DNAH3: variants seen among roughly 807,000 people sequenced by gnomAD.
DNAH3 encodes the protein axonemal beta dynein heavy chain 3.
A neutral mutation model predicts 432.5 loss-of-function variants in DNAH3; 332 were observed. That is an observed-to-expected ratio of 0.77 (90% CI 0.70 to 0.84). DNAH3 has a LOEUF of 0.84. Among genes scored for constraint, DNAH3 ranks in the 40% least tolerant of loss-of-function variants. The pLI, the probability that DNAH3 is intolerant of heterozygous loss-of-function variation, is 0.00. For synonymous variants in DNAH3, 1,956 were observed against 1,900.2 expected (o/e 1.03, Z -0.76); for missense variants, 4,861 against 5,114.0 (o/e 0.95, Z 1.51).
intron 50 of DNAH3, among the ~76,000 whole-genome samples, chr16:20,976,000 C>T (rs2085571176): frequency 6.6e-6 from 1 of 152,280 alleles, no homozygotes; most frequent in East Asian, 1.9e-4. Flanking sequence ...CCACCTTAGC[C>T]TCCCGAAGTG....
intron 37 of DNAH3, among the ~76,000 whole-genome samples, chr16:21,027,965 C>T (rs2088657752): frequency 6.6e-6 from 1 of 152,176 alleles, no homozygotes; most frequent in South Asian, 2.1e-4. Flanking sequence ...GGACAAAAGC[C>T]TTTCCATAAA....
exon 43 of DNAH3, chr16:21,000,344 T>G (rs1567615314): frequency 1.2e-6 from 2 of 1,614,170 alleles, no homozygotes; most frequent in East Asian, 4.5e-5. Flanking sequence ...GAGAAATTGA[T>G]GCAGTTGGGT....
intron 16 of DNAH3, 129 bp from the exon 17 acceptor site, chr16:21,098,898 T>C: frequency 1.2e-6 from 1 of 863,600 alleles, no homozygotes; most frequent in Non-Finnish European, 1.8e-6. Context: ...CCTCCCCCAA[T>C]ACTCCCAACT....
exon 3 of DNAH3, chr16:21,145,380 C>T (rs572236796): frequency 1.7e-5 from 27 of 1,614,002 alleles, no homozygotes; most frequent in Non-Finnish European, 2.3e-5. Flanking sequence ...GCATCAAGGG[C>T]GGGTAAAAGC....
chr16:21,116,885 TTA>T (rs1444879318), intron 12 of DNAH3, among the ~76,000 whole-genome samples: 1 of 152,196 alleles, frequency 6.6e-6, no homozygotes, highest in African/African-American at 2.4e-5. Context: ...GATATACGCA[TTA>T]TGTTACTTTT....
exon 15 of DNAH3, chr16:21,106,631 C>T (rs1274621986): frequency 6.2e-7 from 1 of 1,606,898 alleles, no homozygotes. Context: ...TTGGCAGGAA[C>T]CTCACTGACT....
chr16:20,998,203 T>C (rs1290422574), intron 43 of DNAH3, among the ~76,000 whole-genome samples: 1 of 152,176 alleles, frequency 6.6e-6, no homozygotes, highest in South Asian at 2.1e-4. Flanking sequence ...TGAACTTCAA[T>C]GGGAGCAACA....
chr16:20,965,043 G>A (rs912040573), exon 53 of DNAH3: 4 of 1,614,076 alleles, frequency 2.5e-6, no homozygotes, highest in Middle Eastern at 1.6e-4. Flanking sequence ...TTTTCTTGGT[G>A]TTCATCTCTT....
intron 39 of DNAH3, among the ~76,000 whole-genome samples, chr16:21,022,622 G>T (rs1192695769): frequency 6.6e-6 from 1 of 151,984 alleles, no homozygotes; most frequent in Non-Finnish European, 1.5e-5. Flanking sequence ...CATGATTCTT[G>T]CCTCTAGTGT....
exon 53 of DNAH3, chr16:20,964,320 C>T (rs916996522): frequency 6.2e-7 from 1 of 1,614,036 alleles, no homozygotes; most frequent in African/African-American, 1.3e-5. Context: ...GGAGACAGAC[C>T]TTCACGGCAA....
chr16:21,033,909 C>A, intron 36 of DNAH3, 65 bp downstream of exon 36: 1 of 1,169,336 alleles, frequency 8.6e-7, no homozygotes. Flanking sequence ...GGCATTATCT[C>A]CATGGAGCCA....
At chr16:21,077,167 AT>A (rs61580346) in intron 20 of DNAH3, among the ~76,000 whole-genome samples, 39,451 of 150,828 alleles carry the variant, frequency 0.26, 5,299 homozygotes, top group South Asian at 0.35. Context: ...GATTTCTTTT[AT>A]TTTTTTTTCC....
chr16:20,998,246 T>G (rs1037427319), intron 43 of DNAH3, among the ~76,000 whole-genome samples: 3 of 151,982 alleles, frequency 2.0e-5, no homozygotes, highest in African/African-American at 4.8e-5. Flanking sequence ...AGCTGGAGTT[T>G]TTTGTTTGTT....
At chr16:21,127,293 C>T (rs570043781) in intron 8 of DNAH3, among the ~76,000 whole-genome samples, 6 of 151,892 alleles carry the variant, frequency 4.0e-5, no homozygotes, top group African/African-American at 1.4e-4. Context: ...TGGCTCATGC[C>T]TGTAATCCCA....
exon 60 of DNAH3, chr16:20,936,712 G>A: frequency 7.5e-6 from 12 of 1,609,332 alleles, no homozygotes; most frequent in Non-Finnish European, 1.0e-5. Context: ...TCAGTGATGG[G>A]TAAGACTTGG....
chr16:20,939,372 G>C (rs1451204836), intron 59 of DNAH3, among the ~76,000 whole-genome samples: 1 of 152,186 alleles, frequency 6.6e-6, no homozygotes, highest in Non-Finnish European at 1.5e-5. Context: ...AGCACTTTGG[G>C]AGGCCAAGGT....
At chr16:21,155,577 G>A (rs1172564762) in intron 1 of DNAH3, among the ~76,000 whole-genome samples, 1 of 138,022 alleles carries the variant, frequency 7.2e-6, no homozygotes, top group Non-Finnish European at 1.5e-5. Flanking sequence ...AGCCGAGATA[G>A]CGCCACTGCA....
At chr16:21,143,286 G>A (rs1359000760) in intron 3 of DNAH3, among the ~76,000 whole-genome samples, 1 of 151,894 alleles carries the variant, frequency 6.6e-6, no homozygotes, top group Non-Finnish European at 1.5e-5. Context: ...TTTGGAGGTG[G>A]GACTCTTGGG....
chr16:21,124,076 G>A (rs917351593), intron 9 of DNAH3, among the ~76,000 whole-genome samples: 1 of 152,160 alleles, frequency 6.6e-6, no homozygotes, highest in Non-Finnish European at 1.5e-5. Context: ...ACAGGCGTGA[G>A]CCACCGTGCC....
Sources: allele counts gnomAD v4.1 joint callset (sites outside exome capture counted in the v4.1 genomes callset), GRCh38; gene constraint gnomAD v4.1.1; transcripts MANE v1.5; gene names NCBI Gene and HGNC (gene_info 2026-07-23, HGNC 2026-07-21).